The following LMO3 variants were observed in gnomAD, a reference collection of about 807,000 sequenced individuals.
LMO3 encodes the protein LIM domain only protein 3.
In LMO3, 2 loss-of-function variants were observed where a neutral mutation model predicts 15.8. The observed-to-expected ratio is 0.13, with a 90% confidence interval of 0.05 to 0.40. The LOEUF is 0.40. Ranked by LOEUF, LMO3 falls within the 10% of genes least tolerant of loss-of-function variation. The pLI is 0.99. For synonymous variants in LMO3, 62 were observed against 63.8 expected (o/e 0.97, Z 0.13); for missense variants, 86 against 182.2 (o/e 0.47, Z 3.04).
rs1010914915 is a variant in LMO3, at chr12:16,550,604, C to T, written c.*618G>A. ...ACCCCCTGAAAATAGGGGGTTATAA[C>T]AAGAACACTGATAGACTCTAACTCA... On this transcript the variant is annotated 3_prime_UTR_variant, in exon 4 of 4. Coordinates refer to ENST00000537304, the MANE Select transcript of LMO3 (RefSeq NM_018640.5). 1 of 152,200 alleles carries T rather than the reference C, an allele frequency of 6.6e-6. No individual in the cohort carries two copies. Among genetic ancestry groups the T allele is most frequent in the African/African-American group, 2.4e-5 (1 of 41,406 alleles). 9.4% of individuals were successfully genotyped at this position (152,200 alleles called of 1,614,324 possible).
At position 16,560,479 on chromosome 12, in the gene LMO3, A is replaced by G. The variant is rs774536860; in HGVS notation, c.266T>C (p.Met89Thr). Residue 89 changes from methionine (M) to threonine (T), a missense_variant, in exon 3 of 4, where the codon ATG becomes ACG. Physicochemically the swap from Met to Thr is moderately conservative, Grantham distance 81. Coordinates refer to ENST00000537304, the MANE Select transcript of LMO3 (RefSeq NM_018640.5). The surrounding 1 kb of genome is among the most constrained non-coding windows in gnomAD (Gnocchi z 5.0). ...AACATTGTCCTTGGCACGCATCACC[A>G]TCTCAAAGGCAGGGATGAGCTTACT... ...ACSKLIPAFE[M>T]VMRAKDNVYH... is the part of the protein sequence containing the mutation. 6.2e-7 allele frequency: 1 copy of G among 1,614,018 alleles called. No individual in the cohort carries two copies. The highest frequency in any genetic ancestry group is 8.5e-7 in the Non-Finnish European group (1 of 1,179,912).
rs1433390707 is a variant in LMO3, at chr12:16,598,603, C to T, written c.206+2052G>A. 6.6e-6 allele frequency: 1 copy of T among 152,136 alleles called. No individual in the cohort carries two copies. 9.4% of individuals were successfully genotyped at this position (152,136 alleles called of 1,614,324 possible). On this transcript the variant is annotated intron_variant, in intron 2 of 3. Transcript: ENST00000537304. This position sits in a 1 kb window ranked among gnomAD's most constrained non-coding sequence, Gnocchi z 4.3. ...AACTGAAAGTTATTCTACAAAAAGCCACATACACTCTTATAGAGATACAAA... is the reference window on the plus strand; with the variant it reads ...AACTGAAAGTTATTCTACAAAAAGCTACATACACTCTTATAGAGATACAAA...
rs1244238209 is a variant in LMO3, at chr12:16,587,356, G to C, written c.206+13299C>G. Among the ~76,000 whole-genome samples the C allele has an allele frequency of 6.6e-6, 1 of 152,068 alleles. No individual in the cohort carries two copies. Among genetic ancestry groups the C allele is most frequent in the Non-Finnish European group, 1.5e-5 (1 of 67,996 alleles). On this transcript the variant is annotated intron_variant, in intron 2 of 3. Transcript: ENST00000537304. This position sits in a 1 kb window ranked among gnomAD's most constrained non-coding sequence, Gnocchi z 4.3. ...TAAGTAACTGTTTAAAAATTCCAAA[G>C]CATTCTTAAAACGTTTCACTTAAAC...
At chr12:16,592,812 A>G (rs1943534726) in intron 2 of LMO3, among the ~76,000 whole-genome samples, 7 of 151,930 alleles carry the variant, frequency 4.6e-5, no homozygotes, top group Admixed American at 4.6e-4. Flanking sequence ...AAAAACATTA[A>G]AAATAATTAC....
rs1362319090 is a variant in LMO3 at position 16,591,110 on chromosome 12, C to T, written c.206+9545G>A. ...TCTAGGGGACATTTAGAAATGTATA[C>T]GGGGCATTGTTTGTTGCAACAGTGA... On this transcript the variant is annotated intron_variant, in intron 2 of 3. Transcript: ENST00000537304. The surrounding 1 kb of genome is among the most constrained non-coding windows in gnomAD (Gnocchi z 4.1). Among the ~76,000 whole-genome samples the T allele has an allele frequency of 9.2e-5, 14 of 151,976 alleles. No individual in the cohort carries two copies. Among genetic ancestry groups the T allele is most frequent in the East Asian group, 3.9e-4 (2 of 5,168 alleles).
chr12:16,579,499 T>A (rs540738889), intron 2 of LMO3, among the ~76,000 whole-genome samples: 1 of 152,348 alleles, frequency 6.6e-6, no homozygotes, highest in African/African-American at 2.4e-5. Context: ...CGCAGATGTA[T>A]AAGTGAATAG....
intron 2 of LMO3, chr12:16,594,193 T>G: frequency 6.5e-7 from 1 of 1,532,950 alleles, no homozygotes; most frequent in Non-Finnish European, 8.7e-7. Flanking sequence ...ATGGCCATTC[T>G]AAGGTTACAC....
Position 16,598,403 on chromosome 12 carries a change from C to T in LMO3, c.206+2252G>A, listed in dbSNP as rs1943721589. 1 of 152,044 alleles carries T rather than the reference C, an allele frequency of 6.6e-6. No individual in the cohort carries two copies. The highest frequency in any genetic ancestry group is 6.6e-5 in the Admixed American group (1 of 15,234). The allele number at this position is 152,044 out of a possible 1,614,324, so 9.4% of individuals were successfully genotyped here. On this transcript the variant is annotated intron_variant, in intron 2 of 3. Transcript: ENST00000537304. The surrounding 1 kb of genome is among the most constrained non-coding windows in gnomAD (Gnocchi z 4.3). ...ACAACTTAGTTTGAAATGTTAACAA[C>T]CGTTAGGCTGTTAACATAACAACTG...
rs1158895515 is a variant in LMO3, at chr12:16,597,147, C to T, written c.206+3508G>A. Among the ~76,000 whole-genome samples, 2 of 151,668 alleles carry T rather than the reference C, an allele frequency of 1.3e-5. No homozygotes were observed. Among genetic ancestry groups the T allele is most frequent in the Non-Finnish European group, 3.0e-5 (2 of 67,686 alleles). ...GATATGTACATTTTATGTTCCACAGCTAAATGAATGATATGCCAGTCCAGT... is the reference window on the plus strand; with the variant it reads ...GATATGTACATTTTATGTTCCACAGTTAAATGAATGATATGCCAGTCCAGT... On this transcript the variant is annotated intron_variant, in intron 2 of 3. Coordinates refer to ENST00000537304, the MANE Select transcript of LMO3 (RefSeq NM_018640.5). The surrounding 1 kb of genome is among the most constrained non-coding windows in gnomAD (Gnocchi z 5.0).
intron 2 of LMO3, chr12:16,573,791 C>CG (rs945637314): frequency 1.5e-4 from 23 of 152,240 alleles, no homozygotes; most frequent in East Asian, 1.2e-3. Context: ...AGAAGTTGAT[C>CG]GGGGGTAGAG....
At chr12:16,570,385 G>GT (rs1194113742) in intron 2 of LMO3, among the ~76,000 whole-genome samples, 1 of 151,818 alleles carries the variant, frequency 6.6e-6, no homozygotes. Flanking sequence ...AAGTGGAGAG[G>GT]TATCTGGTTT....
chr12:16,604,774 A>C lies in LMO3; in HGVS notation c.-9+1292T>G. The C allele has an allele frequency of 7.6e-7, 1 of 1,317,832 alleles. No homozygotes were observed. Among genetic ancestry groups the C allele is most frequent in the African/African-American group, 1.4e-5 (1 of 69,200 alleles). The allele number at this position is 1,317,832 out of a possible 1,614,324, so 81.6% of individuals were successfully genotyped here. On this transcript the variant is annotated intron_variant, in intron 1 of 3. Coordinates refer to ENST00000537304, the MANE Select transcript of LMO3 (RefSeq NM_018640.5). The surrounding 1 kb of genome is among the most constrained non-coding windows in gnomAD (Gnocchi z 5.3). ...ATAATATTTCGGTTCTTTCAGAAAG[A>C]CACAAAAGCAGCGGAAAAGCAGAAA...
chr12:16,579,489 C>T (rs563308870), intron 2 of LMO3, among the ~76,000 whole-genome samples: 6 of 152,246 alleles, frequency 3.9e-5, no homozygotes, highest in African/African-American at 1.2e-4. Flanking sequence ...TAAAAGCCAA[C>T]GCAGATGTAT....
intron 2 of LMO3, among the ~76,000 whole-genome samples, chr12:16,569,709 A>C (rs1942744379): frequency 6.6e-6 from 1 of 152,214 alleles, no homozygotes. Context: ...CTAGAATAAA[A>C]GAAATGTGTC....
intron 2 of LMO3, chr12:16,573,418 T>G (rs982117741): frequency 1.2e-4 from 18 of 152,174 alleles, no homozygotes; most frequent in African/African-American, 4.3e-4. Flanking sequence ...TTAAAAGATA[T>G]TTGAACGCGT....
chr12:16,557,706 T>G (rs924040730), intron 3 of LMO3, among the ~76,000 whole-genome samples: 1 of 152,124 alleles, frequency 6.6e-6, no homozygotes, highest in Admixed American at 6.5e-5. Flanking sequence ...GAACCAGTTG[T>G]GTTCCTGACA....
In LMO3 at chr12:16,576,240, A is replaced by G. The variant is rs1439016348; in HGVS notation, c.207-15702T>C. ...GCTTATAACCTTCCATAGCTCCCCTACTGTATGCAGGATAGATGCAGGGAA... is the reference window on the plus strand; with the variant it reads ...GCTTATAACCTTCCATAGCTCCCCTGCTGTATGCAGGATAGATGCAGGGAA... On this transcript the variant is annotated intron_variant, in intron 2 of 3. Coordinates refer to ENST00000537304, the MANE Select transcript of LMO3 (RefSeq NM_018640.5). The surrounding 1 kb of genome is among the most constrained non-coding windows in gnomAD (Gnocchi z 4.1). Among the ~76,000 whole-genome samples the G allele has an allele frequency of 2.0e-5, 3 of 151,968 alleles. No individual in the cohort carries two copies. Among genetic ancestry groups the G allele is most frequent in the Non-Finnish European group, 1.5e-5 (1 of 67,992 alleles).
chr12:16,582,679 CACA>C lies in LMO3; in HGVS notation c.206+17973_206+17975del, dbSNP rs1286401467. On this transcript the variant is annotated intron_variant, in intron 2 of 3. Transcript: ENST00000537304. This position sits in a 1 kb window ranked among gnomAD's most constrained non-coding sequence, Gnocchi z 4.1. ...CATCTCCTAGGAAAAATAAGTATAC[CACA>C]ACAAGATCACCGTTCCTAGGTACGG... 6.6e-6 allele frequency among the ~76,000 whole-genome samples: 1 copy of C among 151,976 alleles called. No individual in the cohort carries two copies. Among genetic ancestry groups the C allele is most frequent in the Non-Finnish European group, 1.5e-5 (1 of 67,988 alleles).
chr12:16,595,580 T>A (rs1477143598), intron 2 of LMO3, among the ~76,000 whole-genome samples: 1 of 151,406 alleles, frequency 6.6e-6, no homozygotes. Context: ...AATTCAATAA[T>A]GCTTCTTCTA....
Sources: allele counts gnomAD v4.1 joint callset (sites outside exome capture counted in the v4.1 genomes callset), GRCh38; gene constraint gnomAD v4.1.1; non-coding constraint Gnocchi (gnomAD v3.1); transcripts MANE v1.5; gene names NCBI Gene and HGNC (gene_info 2026-07-23, HGNC 2026-07-21).